The following CDKN2B-AS1 variants were observed in gnomAD, a reference collection of about 807,000 sequenced individuals.
CDKN2B-AS1 encodes CDKN2B antisense RNA 1 (non-protein coding).
At chr9:22,062,318 C>A (rs1823854520) in intron 4 of CDKN2B-AS1, among the ~76,000 whole-genome samples, 1 of 152,230 alleles carries the variant, frequency 6.6e-6, no homozygotes, top group South Asian at 2.1e-4. Context: ...TTTATGTATA[C>A]AATTGAAGAT....
intron 3 of CDKN2B-AS1, among the ~76,000 whole-genome samples, chr9:22,050,217 G>A (rs1237578758): frequency 6.6e-6 from 1 of 152,130 alleles, no homozygotes; most frequent in Non-Finnish European, 1.5e-5. Context: ...TCTTTCCTAT[G>A]ACCTTTTCTA....
chr9:22,004,977 C>T (rs1219017251), intron 1 of CDKN2B-AS1: 1 of 233,210 alleles, frequency 4.3e-6, no homozygotes, highest in Non-Finnish European at 8.5e-6. Flanking sequence ...TTCTTCCTCA[C>T]ATTTTAACTG....
intron 4 of CDKN2B-AS1, among the ~76,000 whole-genome samples, chr9:22,123,966 G>A (rs1037091151): frequency 1.3e-5 from 2 of 152,082 alleles, no homozygotes; most frequent in African/African-American, 4.8e-5. Context: ...TAAAAACAAA[G>A]CAAATTGCAG....
intron 4 of CDKN2B-AS1, among the ~76,000 whole-genome samples, chr9:22,083,808 T>A (rs778954415): frequency 4.5e-4 from 68 of 152,184 alleles, no homozygotes; most frequent in Non-Finnish European, 7.4e-4. Flanking sequence ...GTCCTGTGGA[T>A]TTAGTTGGAT....
intron 1 of CDKN2B-AS1, chr9:22,009,173 A>T (rs1821361683): frequency 1.5e-6 from 1 of 658,406 alleles, no homozygotes; most frequent in Admixed American, 2.9e-5. Context: ...GGCGCTCAAG[A>T]ACCAGCGGGC....
intron 3 of CDKN2B-AS1, among the ~76,000 whole-genome samples, chr9:22,053,264 G>C (rs1823429825): frequency 6.6e-6 from 1 of 152,190 alleles, no homozygotes; most frequent in Non-Finnish European, 1.5e-5. Flanking sequence ...TCTATCTACA[G>C]ATGTCTAGAA....
At chr9:22,082,607 C>T (rs561142023) in intron 4 of CDKN2B-AS1, among the ~76,000 whole-genome samples, 41 of 152,236 alleles carry the variant, frequency 2.7e-4, no homozygotes, top group Admixed American at 9.8e-4. Flanking sequence ...TTATTGCTAT[C>T]GGAGCTTAAG....
chr9:22,104,199 T>G (rs1195646741), intron 4 of CDKN2B-AS1, among the ~76,000 whole-genome samples: 1 of 152,146 alleles, frequency 6.6e-6, no homozygotes, highest in Non-Finnish European at 1.5e-5. Context: ...CCATATGGCA[T>G]TGCCATATCG....
At chr9:22,121,909 C>T (rs1826111598) in intron 4 of CDKN2B-AS1, among the ~76,000 whole-genome samples, 1 of 152,032 alleles carries the variant, frequency 6.6e-6, no homozygotes, top group Non-Finnish European at 1.5e-5. Flanking sequence ...GGATAAATTG[C>T]TAGTAATGGG....
intron 4 of CDKN2B-AS1, among the ~76,000 whole-genome samples, chr9:22,091,642 A>G (rs193028240): frequency 7.7e-4 from 117 of 152,276 alleles, no homozygotes; most frequent in Middle Eastern, 3.4e-3. Flanking sequence ...ATTGGTGTAT[A>G]AGAATGCTTG....
intron 1 of CDKN2B-AS1, chr9:22,004,369 C>T (rs377277689): frequency 8.6e-6 from 2 of 231,946 alleles, no homozygotes; most frequent in African/African-American, 4.4e-5. Flanking sequence ...CATTTAGAAG[C>T]ATAATACATG....
At chr9:22,031,070 G>C (rs935257983) in intron 1 of CDKN2B-AS1, 41 of 152,046 alleles carry the variant, frequency 2.7e-4, no homozygotes, top group African/African-American at 9.9e-4. Flanking sequence ...TATTTTTTAT[G>C]CAATCATTTG....
rs1820619522 is a variant in CDKN2B-AS1 at position 21,995,496 on chromosome 9, ACTC to A, written n.29+339_29+341del. 1 of 149,836 alleles carries A rather than the reference ACTC, an allele frequency of 6.7e-6. No individual in the cohort carries two copies. The highest frequency in any genetic ancestry group is 1.5e-5 in the Non-Finnish European group (1 of 67,556). The allele number at this position is 149,836 out of a possible 1,614,324, so 9.3% of individuals were successfully genotyped here. The stretch of plus-strand genomic sequence containing the variant: ...CGACTCCCCTTGATCCCGCCGCCTG[ACTC>A]CTCGGCGTACGTTCTCTCTCCGGTC... On this transcript the variant is annotated intron_variant and non_coding_transcript_variant, in intron 1 of 4. Transcript: ENST00000650946. The surrounding 1 kb of genome is among the most constrained non-coding windows in gnomAD (Gnocchi z 5.7).
rs920386592 is a variant in CDKN2B-AS1 at position 22,014,290 on chromosome 9, A to G, written n.29+19129A>G. On this transcript the variant is annotated intron_variant and non_coding_transcript_variant, in intron 1 of 4. Transcript: ENST00000650946. The stretch of plus-strand genomic sequence containing the variant: ...TGATCCTCCCACCTCAGCTTCCCCA[A>G]TAGCTAGGACTACAGGCACACATCA... Among the ~76,000 whole-genome samples, 8 of 152,172 alleles carry G rather than the reference A, an allele frequency of 5.3e-5. No homozygotes were observed. The South Asian group carries it at 8.3e-4, about 16-fold the overall frequency.
intron 4 of CDKN2B-AS1, among the ~76,000 whole-genome samples, chr9:22,073,661 A>G (rs1378207884): frequency 2.6e-5 from 4 of 152,198 alleles, no homozygotes; most frequent in African/African-American, 4.8e-5. Context: ...CCATTTAGCT[A>G]CTAGGAACTC....
intron 4 of CDKN2B-AS1, among the ~76,000 whole-genome samples, chr9:22,095,919 T>C (rs942863205): frequency 3.9e-5 from 6 of 151,982 alleles, no homozygotes; most frequent in Non-Finnish European, 7.4e-5. Context: ...CCCTGCCTTT[T>C]TTTGTTTTCC....
At chr9:22,097,030 T>C (rs559932482) in intron 4 of CDKN2B-AS1, among the ~76,000 whole-genome samples, 1 of 152,302 alleles carries the variant, frequency 6.6e-6, no homozygotes, top group Admixed American at 6.5e-5. Flanking sequence ...TCTCTGGGCT[T>C]ATGTGGTCAG....
At chr9:22,079,437 G>A (rs1198299964) in intron 4 of CDKN2B-AS1, among the ~76,000 whole-genome samples, 2 of 151,230 alleles carry the variant, frequency 1.3e-5, no homozygotes, top group African/African-American at 4.9e-5. Context: ...ACAGTAAGCC[G>A]AGACTGTGCC....
intron 1 of CDKN2B-AS1, chr9:22,008,859 T>G (rs1263623241): frequency 1.2e-6 from 2 of 1,611,530 alleles, no homozygotes; most frequent in Non-Finnish European, 1.7e-6. Flanking sequence ...TTCCAGGAGC[T>G]GTCGCACCTT....
Sources: allele counts gnomAD v4.1 joint callset (sites outside exome capture counted in the v4.1 genomes callset), GRCh38; gene constraint gnomAD v4.1.1; non-coding constraint Gnocchi (gnomAD v3.1); transcripts MANE v1.5; gene names NCBI Gene and HGNC (gene_info 2026-07-23, HGNC 2026-07-21).